Variants in GRIA4 observed in about 807,000 individuals in gnomAD.
GRIA4 encodes glutamate receptor 4.
Under a neutral mutation model 104.0 loss-of-function variants are expected in GRIA4, and 34 were observed. The observed-to-expected ratio is 0.33, with a 90% CI of 0.25 to 0.44. GRIA4 has a LOEUF of 0.44. Ranked by LOEUF, GRIA4 falls within the 20% of genes least tolerant of loss-of-function variation. The pLI is 1.00. For synonymous variants in GRIA4, 386 were observed against 381.9 expected, an observed-to-expected ratio of 1.01 and a Z score of -0.13; for missense variants, 750 against 1,096.5, an observed-to-expected ratio of 0.68 and a Z score of 4.46.
chr11:105,665,613 C>A (rs1952141531), intron 3 of GRIA4, among the ~76,000 whole-genome samples: 1 of 151,952 alleles, frequency 6.6e-6, no homozygotes, highest in East Asian at 1.9e-4. Context: ...GATTTCCCTG[C>A]ATTTAACATC....
chr11:105,979,913 A>C lies in GRIA4; in HGVS notation c.*174A>C. On this transcript the variant is annotated 3_prime_UTR_variant, in exon 17 of 17. Coordinates refer to ENST00000282499, the MANE Select transcript of GRIA4 (RefSeq NM_000829.4). ...GCAGCAGCAACGTGTGCATGAGCTC[A>C]GCTCGGAAACCCAAACTCAGATTTT... 4.0e-6 allele frequency: 2 copies of C among 497,478 alleles called. No homozygotes were observed. Among genetic ancestry groups the C allele is most frequent in the East Asian group, 3.0e-5 (1 of 33,354 alleles). 30.8% of individuals were successfully genotyped at this position (497,478 alleles called of 1,614,324 possible). A position where few individuals can be genotyped will look rare whatever the true frequency, so the allele number is the denominator to read the frequency against.
At chr11:105,935,338 A>T (rs1165099151) in intron 14 of GRIA4, among the ~76,000 whole-genome samples, 1 of 152,184 alleles carries the variant, frequency 6.6e-6, no homozygotes, top group Non-Finnish European at 1.5e-5. Flanking sequence ...ATTAACATAC[A>T]TTCCATATGA....
At chr11:105,923,031 A>G (rs1947609258) in intron 11 of GRIA4, among the ~76,000 whole-genome samples, 1 of 152,056 alleles carries the variant, frequency 6.6e-6, no homozygotes, top group Non-Finnish European at 1.5e-5. Context: ...TCACCCAGGG[A>G]GACGTGACTA....
At chr11:105,884,921 G>T (rs1016037476) in intron 5 of GRIA4, among the ~76,000 whole-genome samples, 3 of 151,902 alleles carry the variant, frequency 2.0e-5, no homozygotes, top group Non-Finnish European at 2.9e-5. Flanking sequence ...ACACATTTTT[G>T]ACTGCAGTCA....
intron 3 of GRIA4, among the ~76,000 whole-genome samples, chr11:105,692,024 A>G (rs1308340950): frequency 6.6e-6 from 1 of 152,064 alleles, no homozygotes; most frequent in Non-Finnish European, 1.5e-5. Flanking sequence ...AAATCAACAC[A>G]AATTAAGTAA....
At chr11:105,910,836 A>G (rs1441967718) in intron 10 of GRIA4, among the ~76,000 whole-genome samples, 1 of 152,172 alleles carries the variant, frequency 6.6e-6, no homozygotes, top group Non-Finnish European at 1.5e-5. Flanking sequence ...CTAAGACCCT[A>G]AAGCACAAAA....
At chr11:105,667,615 G>T (rs1056488272) in intron 3 of GRIA4, among the ~76,000 whole-genome samples, 1 of 151,724 alleles carries the variant, frequency 6.6e-6, no homozygotes, top group Admixed American at 6.6e-5. Flanking sequence ...CAACTATAAC[G>T]CTCAGAAAAA....
intron 11 of GRIA4, among the ~76,000 whole-genome samples, chr11:105,919,468 T>G (rs1391562259): frequency 6.6e-6 from 1 of 152,156 alleles, no homozygotes; most frequent in Admixed American, 6.6e-5. Flanking sequence ...TTAAACTTTA[T>G]GCAGTGCCAT....
intron 11 of GRIA4, 92 bp from the exon 12 acceptor site, chr11:105,924,307 A>G: frequency 2.2e-6 from 2 of 890,494 alleles, no homozygotes; most frequent in Non-Finnish European, 3.4e-6. Context: ...GAATAAACGC[A>G]TGACTGGTTA....
intron 4 of GRIA4, among the ~76,000 whole-genome samples, chr11:105,809,526 G>A (rs1943089286): frequency 6.6e-6 from 1 of 152,090 alleles, no homozygotes; most frequent in African/African-American, 2.4e-5. Flanking sequence ...TAATCCCCAC[G>A]TGTTGAGGGA....
At chr11:105,810,450 AATGACATTTGCCATGC>A (rs1360390615) in intron 4 of GRIA4, among the ~76,000 whole-genome samples, 2 of 152,188 alleles carry the variant, frequency 1.3e-5, no homozygotes, top group Non-Finnish European at 2.9e-5. Flanking sequence ...GACTCCAGGC[AATGACATTTGCCATGC>A]AAGTCAGTTT....
At chr11:105,710,431 A>G (rs1462292661) in intron 3 of GRIA4, among the ~76,000 whole-genome samples, 1 of 152,130 alleles carries the variant, frequency 6.6e-6, no homozygotes, top group African/African-American at 2.4e-5. Context: ...CTGAGCCACC[A>G]CCACAGCAAG....
intron 4 of GRIA4, among the ~76,000 whole-genome samples, chr11:105,807,104 G>A (rs1270623372): frequency 1.3e-5 from 2 of 151,668 alleles, no homozygotes; most frequent in African/African-American, 2.4e-5. Flanking sequence ...GCCATGGATG[G>A]CTCAAAACAA....
intron 3 of GRIA4, among the ~76,000 whole-genome samples, chr11:105,617,375 G>A (rs1204455821): frequency 6.6e-6 from 1 of 151,674 alleles, no homozygotes; most frequent in Non-Finnish European, 1.5e-5. Flanking sequence ...TCGGTACAAA[G>A]GAGTTACTTT....
intron 3 of GRIA4, among the ~76,000 whole-genome samples, chr11:105,638,956 T>C (rs1951284122): frequency 1.3e-5 from 2 of 152,242 alleles, no homozygotes; most frequent in South Asian, 2.1e-4. Flanking sequence ...CAAATCAGTG[T>C]AGTACACACG....
intron 3 of GRIA4, among the ~76,000 whole-genome samples, chr11:105,735,173 T>G (rs1938854842): frequency 6.6e-6 from 1 of 151,948 alleles, no homozygotes; most frequent in Admixed American, 6.6e-5. Flanking sequence ...GCTTTCAGAT[T>G]AAACCCTTAG....
chr11:105,661,251 T>G (rs1383227421), intron 3 of GRIA4, among the ~76,000 whole-genome samples: 3 of 151,588 alleles, frequency 2.0e-5, no homozygotes, highest in African/African-American at 7.3e-5. Flanking sequence ...TCTATTACAG[T>G]AATAAGTTAT....
At chr11:105,961,668 A>G (rs1948748089) in intron 14 of GRIA4, among the ~76,000 whole-genome samples, 1 of 152,200 alleles carries the variant, frequency 6.6e-6, no homozygotes, top group Admixed American at 6.5e-5. Context: ...AACATTTCCA[A>G]AAAACATTGT....
chr11:105,643,563 C>G (rs1294501344), intron 3 of GRIA4, among the ~76,000 whole-genome samples: 2 of 152,150 alleles, frequency 1.3e-5, no homozygotes, highest in Admixed American at 1.3e-4. Flanking sequence ...TCTTTCGTTC[C>G]TGGTCTCCTA....
Sources: gnomAD v4.1 joint callset for allele counts (sites outside exome capture counted in the v4.1 genomes callset) on GRCh38, gnomAD v4.1.1 for gene constraint, MANE v1.5 for transcripts, NCBI Gene and HGNC (gene_info 2026-07-23, HGNC 2026-07-21) for gene names.